The following MEGF6 variants were observed in gnomAD, a reference collection of about 807,000 sequenced individuals.
MEGF6 encodes the protein multiple EGF like domains 6, also known as multiple epidermal growth factor-like domains protein 6.
A neutral mutation model predicts 207.1 loss-of-function variants in MEGF6; 184 were observed. That is an observed-to-expected ratio of 0.89 (90% CI 0.79 to 1.00). The LOEUF (loss-of-function observed/expected upper bound fraction) is 1.00, where lower values mean the gene tolerates loss of function less well. Among genes scored for constraint, MEGF6 ranks in the 50% least tolerant of loss-of-function variants. The probability of loss-of-function intolerance (pLI) is 0.00; values close to 1 mark genes in which losing one functional copy is unlikely to be tolerated. For missense variants in MEGF6, 2,282 were observed against 2,202.9 expected, an observed-to-expected ratio of 1.04 and a Z score of -0.72; for synonymous variants, 1,038 against 910.0, an observed-to-expected ratio of 1.14 and a Z score of -2.53.
chr1:3,516,335 G>A (rs1641541220), intron 5 of MEGF6, among the ~76,000 whole-genome samples: 1 of 152,238 alleles, frequency 6.6e-6, no homozygotes, highest in South Asian at 2.1e-4. Flanking sequence ...CGGGGGTTTG[G>A]TTACTGTCAA....
At chr1:3,491,336 C>A (rs903061256) in intron 35 of MEGF6, among the ~76,000 whole-genome samples, 1 of 152,076 alleles carries the variant, frequency 6.6e-6, no homozygotes, top group East Asian at 1.9e-4. Context: ...GCACTGCCCC[C>A]GGCACCCGGC....
At position 3,603,019 on chromosome 1, in the gene MEGF6, C is replaced by T. The variant is rs1381364172; in HGVS notation, c.132-419G>A. The stretch of plus-strand genomic sequence containing the variant: ...ACCTCGCTTCAGAGATGTCCCCAGG[C>T]CTGATGTTGCTGGGGCACATGGCTG... On this transcript the variant is annotated intron_variant, in intron 1 of 36. Coordinates refer to ENST00000356575, the MANE Select transcript of MEGF6 (RefSeq NM_001409.4). Among the ~76,000 whole-genome samples, 2 of 152,200 alleles carry T rather than the reference C, an allele frequency of 1.3e-5. 1 individual carries two copies. Among genetic ancestry groups the T allele is most frequent in the Admixed American group, 1.3e-4 (2 of 15,288 alleles).
chr1:3,535,470 C>T (rs1235288055), intron 4 of MEGF6, among the ~76,000 whole-genome samples: 1 of 152,170 alleles, frequency 6.6e-6, no homozygotes, highest in African/African-American at 2.4e-5. Context: ...AAGGCTGCAT[C>T]CAACCCTCTG....
At chr1:3,547,473 C>T (rs917800751) in intron 4 of MEGF6, among the ~76,000 whole-genome samples, 46 of 152,290 alleles carry the variant, frequency 3.0e-4, no homozygotes, top group African/African-American at 1.0e-3. Context: ...GATCGGCTGC[C>T]GTGTGTGTTC....
chr1:3,542,345 T>A (rs1463045549), intron 4 of MEGF6, among the ~76,000 whole-genome samples: 1 of 151,484 alleles, frequency 6.6e-6, no homozygotes, highest in East Asian at 1.9e-4. Flanking sequence ...AATGCGAGGG[T>A]TGGACCCATT....
At position 3,511,035 on chromosome 1, in the gene MEGF6, G is replaced by A. The variant is rs967228468; in HGVS notation, c.1115-133C>T. On this transcript the variant is annotated intron_variant, in intron 9 of 36. Coordinates refer to ENST00000356575, the MANE Select transcript of MEGF6 (RefSeq NM_001409.4). ...CACCTGCAGCTGCCCACAGCCTCAC[G>A]TGTGCACACCGACATTCATGGCACC... The A allele has an allele frequency of 1.0e-5, 13 of 1,296,334 alleles. No individual in the cohort carries two copies. In the East Asian group the frequency reaches 1.0e-4, roughly 10 times the overall value. The allele number at this position is 1,296,334 out of a possible 1,614,324, so 80.3% of individuals were successfully genotyped here. A position where few individuals can be genotyped will look rare whatever the true frequency, so the allele number is the denominator to read the frequency against.
intron 26 of MEGF6, chr1:3,497,736 A>G (rs539508550): frequency 2.0e-5 from 8 of 391,134 alleles, no homozygotes; most frequent in Admixed American, 1.4e-4. Flanking sequence ...GACGGGAGCC[A>G]GCGACAGCCC....
intron 4 of MEGF6, among the ~76,000 whole-genome samples, chr1:3,575,128 G>T (rs1304119333): frequency 6.6e-6 from 1 of 152,204 alleles, no homozygotes; most frequent in African/African-American, 2.4e-5. Flanking sequence ...ACTTTTTCTT[G>T]CTGGTCTTTT....
At chr1:3,504,316 G>A (rs749809351) in intron 17 of MEGF6, among the ~76,000 whole-genome samples, 30 of 152,266 alleles carry the variant, frequency 2.0e-4, no homozygotes, top group African/African-American at 3.4e-4. Flanking sequence ...CGGCCGCTGC[G>A]GCAGCTCCAT....
chr1:3,609,059 G>A (rs1024481463), intron 1 of MEGF6, among the ~76,000 whole-genome samples: 17 of 152,274 alleles, frequency 1.1e-4, no homozygotes, highest in African/African-American at 3.1e-4. Context: ...CTCAGCCAGC[G>A]GGGGTGCCGC....
At chr1:3,530,161 C>T (rs539183997) in intron 4 of MEGF6, among the ~76,000 whole-genome samples, 1 of 152,354 alleles carries the variant, frequency 6.6e-6, no homozygotes, top group African/African-American at 2.4e-5. Flanking sequence ...AGCCGGAAGG[C>T]TGCCTACCCA....
Position 3,499,897 on chromosome 1 carries a change from C to T in MEGF6, c.2735G>A (p.Gly912Asp). The T allele has an allele frequency of 6.4e-7, 1 of 1,561,762 alleles. No homozygotes were observed. The highest frequency in any genetic ancestry group is 8.7e-7 in the Non-Finnish European group (1 of 1,153,936). Residue 912 changes from glycine to aspartate, a missense_variant, in exon 22 of 37, where the codon GGC becomes GAC. Transcript: ENST00000356575. ...CTGACACTGGCACCGCTGCTCACAG[C>T]CGGGCCCAAAGTGGCCCTGGGGACA... ...QQCPQGHFGP[G>D]CEQRCQCQHG...
chr1:3,595,314 C>CA, intron 3 of MEGF6, 24 bp downstream of exon 3: 2 of 1,298,312 alleles, frequency 1.5e-6, no homozygotes, highest in Non-Finnish European at 2.1e-6. Flanking sequence ...GGAGGGAGGG[C>CA]GGGGAGGCGC....
At chr1:3,624,688 C>A in the MEGF6 span, 1 of 154,350 alleles carries the variant, frequency 6.5e-6, no homozygotes, top group East Asian at 1.9e-4. Flanking sequence ...CACCCGCTTT[C>A]CCCGCGGGCC....
Position 3,499,688 on chromosome 1 carries a change from G to A in MEGF6, c.2865C>T (p.Asp955=), listed in dbSNP as rs762669200. The A allele has an allele frequency of 4.4e-6, 7 of 1,602,962 alleles. No individual in the cohort carries two copies. Among genetic ancestry groups the A allele is most frequent in the Middle Eastern group, 1.7e-4 (1 of 6,042 alleles). The change falls in exon 23 of 37, where the codon GAC becomes GAT. Residue 955 remains aspartate, a synonymous_variant. Transcript: ENST00000356575. The part of the protein sequence containing the change: ...HACPAGFFGL[D]CRSACNCTAG... ...CGGTGCAGTTGCAGGCACTGCGACA[G>A]TCCAATCCAAAGAAGCCGGCCGGGC...
At chr1:3,549,108 G>A (rs970885125) in intron 4 of MEGF6, among the ~76,000 whole-genome samples, 2 of 152,028 alleles carry the variant, frequency 1.3e-5, no homozygotes, top group Admixed American at 6.5e-5. Flanking sequence ...CCGTGGCTCC[G>A]CGCTGGGTGA....
At position 3,565,883 on chromosome 1, in the gene MEGF6, A is replaced by C. The variant is rs1643330124; in HGVS notation, c.481+13942T>G. 6.6e-6 allele frequency among the ~76,000 whole-genome samples: 1 copy of C among 152,146 alleles called. No homozygotes were observed. The highest frequency in any genetic ancestry group is 1.5e-5 in the Non-Finnish European group (1 of 67,988). On this transcript the variant is annotated intron_variant, in intron 4 of 36. Coordinates refer to ENST00000356575, the MANE Select transcript of MEGF6 (RefSeq NM_001409.4). The surrounding 1 kb of genome is among the most constrained non-coding windows in gnomAD (Gnocchi z 4.8). ...TGTGGACCCTGACACCCAGCGGCAC[A>C]GGGACTCTCATGGGGTGCAGTGGGG...
intron 31 of MEGF6, 41 bp from the exon 32 acceptor site, chr1:3,494,540 T>A: frequency 6.4e-7 from 1 of 1,571,170 alleles, no homozygotes; most frequent in South Asian, 1.2e-5. Flanking sequence ...GGCACCAGCC[T>A]TGCCCAGCCC....
At chr1:3,623,548 A>T in the MEGF6 span, 1 of 152,248 alleles carries the variant, frequency 6.6e-6, no homozygotes, top group East Asian at 1.9e-4. Context: ...TGCCGGGGAG[A>T]CAGCCTCCCT....
Sources: allele counts gnomAD v4.1 joint callset (sites outside exome capture counted in the v4.1 genomes callset), GRCh38; gene constraint gnomAD v4.1.1; non-coding constraint Gnocchi (gnomAD v3.1); transcripts MANE v1.5; gene names NCBI Gene and HGNC (gene_info 2026-07-23, HGNC 2026-07-21).